The following POF1B variants were observed in gnomAD, a reference collection of about 807,000 sequenced individuals.
POF1B encodes the protein POF1B actin binding protein, also known as protein POF1B.
Under a neutral mutation model 55.3 loss-of-function variants are expected in POF1B, and 53 were observed. The observed-to-expected ratio is 0.96, with a 90% CI of 0.77 to 1.20. POF1B has a LOEUF of 1.20. Ranked by LOEUF, POF1B falls within the 50% of genes most tolerant of loss-of-function variation. The pLI, the probability that POF1B is intolerant of heterozygous loss-of-function variation, is 0.00. For missense variants in POF1B, 478 were observed against 420.5 expected (o/e 1.14, Z -1.20); for synonymous variants, 188 against 148.3 (o/e 1.27, Z -1.95).
rs771265920 is a variant in POF1B, at chrX:85,351,448, G to C, written c.442C>G (p.Pro148Ala). ...KYVVQNPEQE[P>A]LSQFLRGSHF... is the part of the protein sequence containing the mutation. Reference sequence around the variant, plus strand: ...CTTCCTCTTAGGAATTGAGACAGTGGTTCCTAAAATGATAGTAAATTATAT... The same window carrying C: ...CTTCCTCTTAGGAATTGAGACAGTGCTTCCTAAAATGATAGTAAATTATAT... Residue 148 changes from proline to alanine, a missense_variant, in exon 5 of 17, where the codon CCA (proline) becomes GCA (alanine). Transcript: ENST00000262753. The C allele has an allele frequency of 1.3e-5, 15 of 1,161,875 alleles. No homozygotes were observed. Among genetic ancestry groups the C allele is most frequent in the Non-Finnish European group, 4.7e-6 (4 of 860,215 alleles).
intron 7 of POF1B, among the ~76,000 whole-genome samples, chrX:85,315,999 C>T (rs1043469435): frequency 3.6e-5 from 4 of 110,838 alleles, no homozygotes; most frequent in Admixed American, 1.9e-4. Flanking sequence ...TAGTACCATC[C>T]GTTAGCACCA....
At chrX:85,287,325 C>A (rs759801674) in intron 15 of POF1B, among the ~76,000 whole-genome samples, 6 of 111,167 alleles carry the variant, frequency 5.4e-5, no homozygotes, top group Admixed American at 1.9e-4. Context: ...TCAAGTATAT[C>A]ACTAAAATTG....
chrX:85,290,001 C>T (rs1932144531), intron 15 of POF1B, among the ~76,000 whole-genome samples: 1 of 111,151 alleles, frequency 9.0e-6, no homozygotes, highest in Admixed American at 9.5e-5. Context: ...GGAGTACAAG[C>T]GCAGGTTTGT....
At chrX:85,354,302 A>G (rs1253464650) in intron 4 of POF1B, among the ~76,000 whole-genome samples, 1 of 111,230 alleles carries the variant, frequency 9.0e-6, no homozygotes, top group Non-Finnish European at 1.9e-5. Context: ...TAGAATATCA[A>G]GTATAAAAAT....
At chrX:85,323,764 G>T (rs1246886104) in intron 7 of POF1B, among the ~76,000 whole-genome samples, 2 of 110,499 alleles carry the variant, frequency 1.8e-5, no homozygotes, top group Non-Finnish European at 1.9e-5. Flanking sequence ...TGTCTGTGGG[G>T]TTAGTTTTCT....
intron 9 of POF1B, among the ~76,000 whole-genome samples, chrX:85,313,581 A>G (rs1932755155): frequency 9.0e-6 from 1 of 111,540 alleles, no homozygotes; most frequent in South Asian, 3.7e-4. Flanking sequence ...AGTTTGCTGT[A>G]TTTTATTGAG....
intron 2 of POF1B, among the ~76,000 whole-genome samples, chrX:85,374,721 C>T (rs937497819): frequency 8.9e-6 from 1 of 111,773 alleles, no homozygotes; most frequent in Non-Finnish European, 1.9e-5. Context: ...AACCACCTGA[C>T]ATTTATGCTG....
intron 4 of POF1B, among the ~76,000 whole-genome samples, chrX:85,355,377 C>T (rs1202648713): frequency 8.9e-6 from 1 of 111,984 alleles, no homozygotes; most frequent in Non-Finnish European, 1.9e-5. Flanking sequence ...CTAGGCATTA[C>T]CATTCAGGAC....
intron 6 of POF1B, among the ~76,000 whole-genome samples, chrX:85,333,616 T>C (rs987165100): frequency 9.0e-6 from 1 of 110,930 alleles, no homozygotes; most frequent in East Asian, 2.8e-4. Flanking sequence ...GTTAACAAAG[T>C]CAGCAAAAGT....
At chrX:85,360,571 A>G in intron 3 of POF1B, among the ~76,000 whole-genome samples, 1 of 91,250 alleles carries the variant, frequency 1.1e-5, no homozygotes, top group East Asian at 3.3e-4. Flanking sequence ...ATATATACAC[A>G]TTTTCTTTAT....
intron 5 of POF1B, 73 bp from the exon 6 acceptor site, chrX:85,346,115 A>AT (rs1346955297): frequency 6.5e-6 from 5 of 766,838 alleles, no homozygotes; most frequent in Non-Finnish European, 8.7e-6. Flanking sequence ...AACTGAAACC[A>AT]TTTTTTTAAA....
At chrX:85,285,800 TA>T (rs1243317057) in intron 15 of POF1B, among the ~76,000 whole-genome samples, 1 of 111,217 alleles carries the variant, frequency 9.0e-6, no homozygotes, top group African/African-American at 3.3e-5. Context: ...TAAAGTATAA[TA>T]AAAAATTTTT....
At chrX:85,287,955 C>T (rs1182703276) in intron 15 of POF1B, among the ~76,000 whole-genome samples, 2 of 111,581 alleles carry the variant, frequency 1.8e-5, no homozygotes, top group Non-Finnish European at 3.8e-5. Flanking sequence ...AACAATTCAT[C>T]ATTGTAACAG....
intron 7 of POF1B, among the ~76,000 whole-genome samples, chrX:85,328,850 C>CA (rs1490900943): frequency 3.0e-5 from 3 of 100,383 alleles, no homozygotes; most frequent in African/African-American, 1.2e-4. Flanking sequence ...AAAAACAAAA[C>CA]AAACAAACAA....
At chrX:85,286,788 T>C (rs1467607147) in intron 15 of POF1B, among the ~76,000 whole-genome samples, 1 of 111,035 alleles carries the variant, frequency 9.0e-6, no homozygotes, top group Middle Eastern at 4.2e-3. Context: ...AACATAACAA[T>C]CCTAAATGTT....
intron 15 of POF1B, among the ~76,000 whole-genome samples, chrX:85,290,067 T>C (rs1479800495): frequency 9.0e-6 from 1 of 111,340 alleles, no homozygotes; most frequent in Non-Finnish European, 1.9e-5. Flanking sequence ...ATCACCCAAG[T>C]AGTGAACATG....
intron 15 of POF1B, among the ~76,000 whole-genome samples, chrX:85,296,367 G>C (rs1485209010): frequency 8.9e-6 from 1 of 112,048 alleles, no homozygotes; most frequent in East Asian, 2.8e-4. Context: ...TGTTTTCATG[G>C]TAGAAGATAT....
At chrX:85,363,864 T>C (rs1933669895) in intron 3 of POF1B, among the ~76,000 whole-genome samples, 2 of 111,573 alleles carry the variant, frequency 1.8e-5, no homozygotes, top group South Asian at 7.6e-4. Flanking sequence ...TCTCCCACTA[T>C]TATCGCATGG....
At position 85,306,299 on chromosome X, in the gene POF1B, G is replaced by A. The variant is rs746212940; in HGVS notation, c.1199C>T (p.Ala400Val). Reference sequence around the variant, plus strand: ...AAGAGAGAGATTGTTTTCTTCCAATGCCTGGCATTTTGAACTTGAGTCTTG... The same window carrying A: ...AAGAGAGAGATTGTTTTCTTCCAATACCTGGCATTTTGAACTTGAGTCTTG... ...GLQDSSSKCQ[A>V]LEENNLSLRH... Residue 400 changes from alanine to valine, a missense_variant, in exon 12 of 17, where the codon GCA (alanine) becomes GTA (valine). Transcript: ENST00000262753. The A allele has an allele frequency of 8.3e-7, 1 of 1,208,465 alleles. No homozygotes were observed. The highest frequency in any genetic ancestry group is 1.1e-6 in the Non-Finnish European group (1 of 893,546).
Sources: allele counts gnomAD v4.1 joint callset (sites outside exome capture counted in the v4.1 genomes callset), GRCh38; gene constraint gnomAD v4.1.1; transcripts MANE v1.5; gene names NCBI Gene and HGNC (gene_info 2026-07-23, HGNC 2026-07-21).